The following DAAM1 variants were observed in gnomAD, a reference collection of about 807,000 sequenced individuals.
DAAM1 encodes disheveled-associated activator of morphogenesis 1.
Under a neutral mutation model 130.0 loss-of-function variants are expected in DAAM1, and 52 were observed. That is an observed-to-expected ratio of 0.40 (90% CI 0.32 to 0.50). The LOEUF (loss-of-function observed/expected upper bound fraction) is 0.50. Ranked by LOEUF, DAAM1 falls within the 20% of genes least tolerant of loss-of-function variation. The pLI, the probability that DAAM1 is intolerant of heterozygous loss-of-function variation, is 0.61. For missense variants in DAAM1, 1,134 were observed against 1,303.8 expected, an observed-to-expected ratio of 0.87 and a Z score of 2.01; for synonymous variants, 452 against 444.5, an observed-to-expected ratio of 1.02 and a Z score of -0.21.
Position 59,364,215 on chromosome 14 carries a change from G to GT in DAAM1, c.2826+435dup, listed in dbSNP as rs1382114275. ...AGCCATGTGCCTAAATTACCTCTAT[G>GT]TTGTAATATGCTCATCTGAGATACA... On this transcript the variant is annotated intron_variant, in intron 23 of 24. Coordinates refer to ENST00000360909, the MANE Select transcript of DAAM1 (RefSeq NM_001270520.2). 2.6e-5 allele frequency among the ~76,000 whole-genome samples: 4 copies of GT among 152,252 alleles called. No individual in the cohort carries two copies. The East Asian group carries it at 7.7e-4, about 29-fold the overall frequency.
chr14:59,189,761 C>T (rs1322067117), intron 1 of DAAM1, among the ~76,000 whole-genome samples: 1 of 152,156 alleles, frequency 6.6e-6, no homozygotes, highest in Non-Finnish European at 1.5e-5. Context: ...TCTGGATGTT[C>T]TTTGCCTTTC....
At chr14:59,341,928 C>T (rs190622762) in intron 16 of DAAM1, among the ~76,000 whole-genome samples, 47 of 152,142 alleles carry the variant, frequency 3.1e-4, no homozygotes, top group African/African-American at 9.6e-4. Context: ...ACTGTGACCT[C>T]GTTCCTTATT....
chr14:59,195,229 C>T (rs563483068), intron 1 of DAAM1, among the ~76,000 whole-genome samples: 3 of 151,316 alleles, frequency 2.0e-5, no homozygotes, highest in African/African-American at 7.3e-5. Flanking sequence ...CTGCAAGCTC[C>T]GCCTCCCAGG....
intron 15 of DAAM1, among the ~76,000 whole-genome samples, chr14:59,337,220 A>C (rs997899466): frequency 5.3e-5 from 8 of 152,228 alleles, no homozygotes; most frequent in Admixed American, 2.0e-4. Context: ...CCTTGAAAGG[A>C]AACTGCTTTT....
intron 1 of DAAM1, among the ~76,000 whole-genome samples, chr14:59,196,436 T>C (rs1225259958): frequency 6.6e-6 from 1 of 152,188 alleles, no homozygotes; most frequent in African/African-American, 2.4e-5. Context: ...CCCCAGAATG[T>C]ACTACAAAAT....
intron 22 of DAAM1, chr14:59,362,578 A>G (rs1453011550): frequency 6.6e-6 from 1 of 151,252 alleles, no homozygotes; most frequent in African/African-American, 2.4e-5. Context: ...ATAATTGATG[A>G]GTTTTCACTT....
chr14:59,363,495 C>T lies in DAAM1; in HGVS notation c.2695-156C>T, dbSNP rs547390179. ...GGCTTTGGCATGGTGGGAGGAAGGGCAGGGGCACTAGAGTATAACAAAATG... is the reference window on the plus strand; with the variant it reads ...GGCTTTGGCATGGTGGGAGGAAGGGTAGGGGCACTAGAGTATAACAAAATG... On this transcript the variant is annotated intron_variant, in intron 22 of 24. Transcript: ENST00000360909. 3.0e-5 allele frequency: 31 copies of T among 1,039,160 alleles called. No homozygotes were observed. The African/African-American group carries it at 4.5e-4, about 15-fold the overall frequency. 64.4% of individuals were successfully genotyped at this position (1,039,160 alleles called of 1,614,324 possible).
intron 15 of DAAM1, among the ~76,000 whole-genome samples, chr14:59,336,356 G>T (rs912970638): frequency 1.3e-5 from 2 of 152,158 alleles, no homozygotes; most frequent in African/African-American, 4.8e-5. Context: ...CAGACATCCT[G>T]TTAGGTGAAG....
chr14:59,365,016 A>G (rs761413867), intron 23 of DAAM1, among the ~76,000 whole-genome samples: 8 of 152,164 alleles, frequency 5.3e-5, no homozygotes, highest in Non-Finnish European at 8.8e-5. Flanking sequence ...CACCTGAGCA[A>G]TATAGCACCT....
chr14:59,352,306 A>C (rs1007371137), intron 17 of DAAM1, among the ~76,000 whole-genome samples: 1 of 152,220 alleles, frequency 6.6e-6, no homozygotes, highest in African/African-American at 2.4e-5. Flanking sequence ...GCAGTAGAGA[A>C]CAGAAAGGTG....
At chr14:59,229,199 C>G (rs900583339) in intron 1 of DAAM1, among the ~76,000 whole-genome samples, 1 of 152,162 alleles carries the variant, frequency 6.6e-6, no homozygotes, top group African/African-American at 2.4e-5. Flanking sequence ...CAAAGACACT[C>G]CCACTTTTCA....
At chr14:59,246,475 C>T (rs1237031432) in intron 1 of DAAM1, among the ~76,000 whole-genome samples, 2 of 152,056 alleles carry the variant, frequency 1.3e-5, no homozygotes, top group Non-Finnish European at 2.9e-5. Flanking sequence ...GGGTTCCTTC[C>T]ACCTCTCTGC....
rs55728918 is a variant in DAAM1 at position 59,272,596 on chromosome 14, A to T, written c.183+8936A>T. 1.1e-3 allele frequency among the ~76,000 whole-genome samples: 128 copies of T among 118,182 alleles called. 1 individual carries two copies. Among genetic ancestry groups the T allele is most frequent in the Admixed American group, 1.6e-3 (20 of 12,358 alleles). 77.5% of individuals were successfully genotyped at this position (118,182 alleles called of 152,430 possible). ...TCTCAAAAAACAAACAAACAAACAA[A>T]ATATATATATATACACACACACACA... is the stretch of plus-strand genomic sequence containing the variant. On this transcript the variant is annotated intron_variant, in intron 2 of 24. Transcript: ENST00000360909.
chr14:59,296,960 G>A (rs1016053896), intron 3 of DAAM1, among the ~76,000 whole-genome samples: 1 of 151,186 alleles, frequency 6.6e-6, no homozygotes, highest in Non-Finnish European at 1.5e-5. Flanking sequence ...GGCTTGTTTA[G>A]TCTGAGAAAG....
chr14:59,349,629 TC>T (rs1886211695), intron 17 of DAAM1, among the ~76,000 whole-genome samples: 1 of 152,246 alleles, frequency 6.6e-6, no homozygotes, highest in East Asian at 1.9e-4. Flanking sequence ...GCTGCTTTCA[TC>T]CCCTCCTCTC....
At chr14:59,368,588 T>TACTGCAAA in intron 24 of DAAM1, 62 bp from the exon 25 acceptor site, 1 of 1,526,264 alleles carries the variant, frequency 6.6e-7, no homozygotes, top group Non-Finnish European at 8.9e-7. Context: ...AATTGACCTC[T>TACTGCAAA]ACTGCAAACA....
intron 2 of DAAM1, among the ~76,000 whole-genome samples, chr14:59,279,437 A>AT (rs1221072513): frequency 1.3e-5 from 2 of 152,110 alleles, no homozygotes; most frequent in African/African-American, 4.8e-5. Context: ...TGTATCCATT[A>AT]TTTTTTCCTT....
chr14:59,249,512 T>C (rs1881539695), intron 1 of DAAM1, among the ~76,000 whole-genome samples: 1 of 152,196 alleles, frequency 6.6e-6, no homozygotes, highest in Admixed American at 6.5e-5. Context: ...TTGAGGGAAT[T>C]AGGTTGCAAC....
chr14:59,329,530 C>G (rs1430362288), intron 12 of DAAM1, among the ~76,000 whole-genome samples: 1 of 152,126 alleles, frequency 6.6e-6, no homozygotes, highest in Non-Finnish European at 1.5e-5. Context: ...TTAGCAAATT[C>G]AGAAATAGAG....
Sources: gnomAD v4.1 joint callset for allele counts (sites outside exome capture counted in the v4.1 genomes callset) on GRCh38, gnomAD v4.1.1 for gene constraint, MANE v1.5 for transcripts, NCBI Gene and HGNC (gene_info 2026-07-23, HGNC 2026-07-21) for gene names.